EPHA3: variants seen among roughly 807,000 people sequenced by gnomAD.
EPHA3 encodes EPH receptor A3, also known as ephrin type-A receptor 3.
EPHA3 carries 42 observed loss-of-function variants against 107.1 expected under a neutral mutation model. That is an observed-to-expected ratio of 0.39 (90% confidence interval 0.31 to 0.51). EPHA3 has a LOEUF of 0.51. Among genes scored for constraint, EPHA3 ranks in the 20% least tolerant of loss-of-function variants. The probability of loss-of-function intolerance (pLI) is 0.78; values close to 1 mark genes in which losing one functional copy is unlikely to be tolerated. For synonymous variants in EPHA3, 461 were observed against 424.8 expected, an observed-to-expected ratio of 1.09 and a Z score of -1.05; for missense variants, 1,183 against 1,211.2, an observed-to-expected ratio of 0.98 and a Z score of 0.35.
rs372257039 is a variant in EPHA3 at position 89,419,367 on chromosome 3, G to A, written c.2051G>A (p.Arg684Gln). The A allele has an allele frequency of 7.6e-5, 121 of 1,596,320 alleles. No homozygotes were observed. Among genetic ancestry groups the A allele is most frequent in the Admixed American group, 1.9e-4 (11 of 56,828 alleles). ...CAGTTTGACCACCCCAATATCATTC[G>A]ACTGGAAGGAGTTGTTACCAAAAGT... ...MGQFDHPNII[R>Q]LEGVVTKSKP... Residue 684 changes from arginine (R) to glutamine (Q), a missense_variant, in exon 11 of 17, where the codon CGA becomes CAA. Arg to Gln is a conservative substitution (Grantham distance 43, BLOSUM62 1). Transcript: ENST00000336596.
chr3:89,118,159 G>C (rs1250031367), intron 1 of EPHA3, among the ~76,000 whole-genome samples: 1 of 151,940 alleles, frequency 6.6e-6, no homozygotes, highest in Non-Finnish European at 1.5e-5. Context: ...GATAAACTTA[G>C]AGGTTTTATT....
intron 2 of EPHA3, among the ~76,000 whole-genome samples, chr3:89,139,052 T>C (rs1704373544): frequency 6.6e-6 from 1 of 151,822 alleles, no homozygotes. Context: ...TGTATAACAG[T>C]CAATATTCTT....
intron 2 of EPHA3, among the ~76,000 whole-genome samples, chr3:89,189,159 G>A (rs1297581817): frequency 6.6e-6 from 1 of 152,154 alleles, no homozygotes; most frequent in Admixed American, 6.5e-5. Context: ...AGGACTAAAT[G>A]GGAAGGATTG....
At chr3:89,218,598 C>T (rs1346779325) in intron 3 of EPHA3, among the ~76,000 whole-genome samples, 3 of 151,964 alleles carry the variant, frequency 2.0e-5, no homozygotes, top group Admixed American at 6.6e-5. Context: ...AATAAACATA[C>T]GTTTGCATGT....
At chr3:89,357,243 A>C (rs1707985824) in intron 5 of EPHA3, among the ~76,000 whole-genome samples, 1 of 150,236 alleles carries the variant, frequency 6.7e-6, no homozygotes, top group Non-Finnish European at 1.5e-5. Flanking sequence ...ATAAAGAGTT[A>C]GAAGAATACA....
chr3:89,422,540 T>A (rs1709371571), intron 11 of EPHA3, among the ~76,000 whole-genome samples: 1 of 151,350 alleles, frequency 6.6e-6, no homozygotes, highest in Admixed American at 6.6e-5. Context: ...TTTCTTCGCT[T>A]GTAACAAAAT....
At chr3:89,368,099 A>G (rs1406867230) in intron 5 of EPHA3, among the ~76,000 whole-genome samples, 10 of 150,672 alleles carry the variant, frequency 6.6e-5, no homozygotes, top group African/African-American at 2.4e-4. Flanking sequence ...AAGAAGAAGA[A>G]GAGCTGAGCA....
At chr3:89,408,258 C>A in intron 9 of EPHA3, 127 bp downstream of exon 9, 1 of 810,356 alleles carries the variant, frequency 1.2e-6, no homozygotes, top group Non-Finnish European at 2.0e-6. Flanking sequence ...AAACTGAGTA[C>A]ATTAAATTTA....
intron 2 of EPHA3, among the ~76,000 whole-genome samples, chr3:89,134,096 G>T (rs191542218): frequency 6.7e-6 from 1 of 149,018 alleles, no homozygotes; most frequent in Non-Finnish European, 1.5e-5. Flanking sequence ...TTTCCAATTT[G>T]CTTCAAATGC....
chr3:89,406,909 T>C (rs1265288547), intron 7 of EPHA3, among the ~76,000 whole-genome samples: 3 of 152,178 alleles, frequency 2.0e-5, no homozygotes, highest in Admixed American at 6.6e-5. Flanking sequence ...AATCTTCCTC[T>C]CTTCTCTAAG....
intron 3 of EPHA3, among the ~76,000 whole-genome samples, chr3:89,226,457 C>A (rs772572709): frequency 1.3e-5 from 2 of 152,088 alleles, no homozygotes; most frequent in Admixed American, 6.6e-5. Flanking sequence ...GGAATCCAGA[C>A]AACTGAAGGT....
chr3:89,357,773 A>G (rs537099577), intron 5 of EPHA3, among the ~76,000 whole-genome samples: 7 of 151,424 alleles, frequency 4.6e-5, no homozygotes, highest in Admixed American at 1.3e-4. Context: ...CAACTAGGCT[A>G]AGAACATAGC....
intron 3 of EPHA3, among the ~76,000 whole-genome samples, chr3:89,284,285 G>A (rs967432474): frequency 6.6e-6 from 1 of 151,920 alleles, no homozygotes; most frequent in Non-Finnish European, 1.5e-5. Context: ...ATAGACTCAG[G>A]TAGAGTGACT....
intron 2 of EPHA3, among the ~76,000 whole-genome samples, chr3:89,191,062 A>G (rs1017463695): frequency 2.6e-5 from 4 of 152,110 alleles, no homozygotes; most frequent in Non-Finnish European, 4.4e-5. Flanking sequence ...TTTTTATTGG[A>G]AATATTAAAA....
At chr3:89,359,131 C>T (rs1487200176) in intron 5 of EPHA3, among the ~76,000 whole-genome samples, 1 of 151,010 alleles carries the variant, frequency 6.6e-6, no homozygotes, top group Admixed American at 6.6e-5. Flanking sequence ...ATATAATCAA[C>T]AGTAATTAGT....
chr3:89,114,559 C>G (rs1433596390), intron 1 of EPHA3, among the ~76,000 whole-genome samples: 1 of 152,216 alleles, frequency 6.6e-6, no homozygotes, highest in Non-Finnish European at 1.5e-5. Flanking sequence ...CCGCGCCTGG[C>G]TGCCCAAGTC....
chr3:89,187,754 T>C (rs1414892397), intron 2 of EPHA3, among the ~76,000 whole-genome samples: 1 of 152,164 alleles, frequency 6.6e-6, no homozygotes, highest in Non-Finnish European at 1.5e-5. Flanking sequence ...AATTAAACAG[T>C]AGCCTTGTCA....
chr3:89,399,380 C>A lies in EPHA3; in HGVS notation c.1494C>A (p.Ser498Arg), dbSNP rs144696297. Reference protein sequence around the residue: ...RARGTNVTISSLKPDTIYVFQ... With the variant: ...RARGTNVTISRLKPDTIYVFQ... Reference sequence around the variant, plus strand: ...GAGGCACAAATGTTACCATCAGTAGCCTCAAGCCTGACACTATATACGTAT... The same window carrying A: ...GAGGCACAAATGTTACCATCAGTAGACTCAAGCCTGACACTATATACGTAT... Residue 498 changes from serine to arginine, a missense_variant, in exon 7 of 17, where the codon AGC (serine) becomes AGA (arginine). Physicochemically the swap from Ser to Arg is moderately radical, Grantham distance 110. Transcript: ENST00000336596. The A allele has an allele frequency of 3.3e-4, 528 of 1,614,030 alleles. 1 individual carries two copies. Among genetic ancestry groups the A allele is most frequent in the Non-Finnish European group, 4.3e-4 (504 of 1,179,974 alleles).
chr3:89,409,252 A>G (rs947072191), intron 9 of EPHA3, among the ~76,000 whole-genome samples: 2 of 152,090 alleles, frequency 1.3e-5, no homozygotes, highest in Admixed American at 6.6e-5. Context: ...TGACCAACTC[A>G]AAAGTCTAAA....
Sources: gnomAD v4.1 joint callset for allele counts (sites outside exome capture counted in the v4.1 genomes callset) on GRCh38, gnomAD v4.1.1 for gene constraint, MANE v1.5 for transcripts, NCBI Gene and HGNC (gene_info 2026-07-23, HGNC 2026-07-21) for gene names.